RIMKLB: variants seen among roughly 807,000 people sequenced by gnomAD.
The protein encoded by RIMKLB is ribosomal modification protein rimK like family member B.
RIMKLB carries 7 observed loss-of-function variants against 32.0 expected under a neutral mutation model. The ratio of observed to expected loss-of-function variants is 0.22; its 90% CI spans 0.12 to 0.41. The LOEUF is 0.41. RIMKLB is among the 10% of genes least tolerant of loss of function. The pLI, the probability that RIMKLB is intolerant of heterozygous loss-of-function variation, is 1.00. For missense variants in RIMKLB, 289 were observed against 498.7 expected (o/e 0.58, Z 4.00); for synonymous variants, 172 against 185.1 (o/e 0.93, Z 0.57).
chr12:8,751,369 A>G (rs746242228), intron 3 of RIMKLB, among the ~76,000 whole-genome samples: 12 of 152,094 alleles, frequency 7.9e-5, no homozygotes, highest in South Asian at 2.1e-4. Flanking sequence ...GCTACAGTCT[A>G]TTTTTGCTCT....
chr12:8,736,763 G>C (rs1303471912), intron 2 of RIMKLB, among the ~76,000 whole-genome samples: 1 of 151,592 alleles, frequency 6.6e-6, no homozygotes, highest in Non-Finnish European at 1.5e-5. Flanking sequence ...TGAGATTATA[G>C]ATGTGAGCCA....
intron 2 of RIMKLB, among the ~76,000 whole-genome samples, chr12:8,723,983 GT>G (rs1049920071): frequency 1.5e-5 from 2 of 129,478 alleles, no homozygotes; most frequent in African/African-American, 8.0e-5. Flanking sequence ...GCCTGGCTAA[GT>G]TTTGTTTTGT....
intron 4 of RIMKLB, 41 bp downstream of exon 4, chr12:8,752,084 A>C (rs749695618): frequency 3.2e-6 from 4 of 1,236,036 alleles, no homozygotes; most frequent in Non-Finnish European, 4.7e-6. Context: ...TTTTGAAACT[A>C]TTCTTGCTTA....
In RIMKLB at chr12:8,774,809, A is replaced by C; in HGVS notation, c.*1025A>C. The stretch of plus-strand genomic sequence containing the variant: ...CAAGAGCCTATGAGTTCTAAGTATA[A>C]AGCTGAAGTGATTTCGAATGCCAGC... On this transcript the variant is annotated 3_prime_UTR_variant, in exon 6 of 6. Coordinates refer to ENST00000535829, the MANE Select transcript of RIMKLB (RefSeq NM_001297776.2). 3 of 985,646 alleles carry C rather than the reference A, an allele frequency of 3.0e-6. No individual in the cohort carries two copies. The highest frequency in any genetic ancestry group is 3.6e-6 in the Non-Finnish European group (3 of 829,906). 61.1% of individuals were successfully genotyped at this position (985,646 alleles called of 1,614,324 possible).
chr12:8,778,378 T>C (rs752924477), downstream of RIMKLB, among the ~76,000 whole-genome samples: 19 of 152,202 alleles, frequency 1.2e-4, no homozygotes, highest in Non-Finnish European at 1.8e-4. Flanking sequence ...ATTTAGTTCT[T>C]TTAGGAGCAA....
At chr12:8,702,942 T>A (rs1943529271) in intron 1 of RIMKLB, among the ~76,000 whole-genome samples, 1 of 152,198 alleles carries the variant, frequency 6.6e-6, no homozygotes, top group Non-Finnish European at 1.5e-5. Flanking sequence ...TTCTGTGCCA[T>A]GTTCCAGAAA....
intron 2 of RIMKLB, among the ~76,000 whole-genome samples, chr12:8,734,304 T>C (rs1946809607): frequency 6.6e-6 from 1 of 152,206 alleles, no homozygotes; most frequent in East Asian, 1.9e-4. Context: ...AGTTCAAAGC[T>C]GTTCATGGGA....
chr12:8,676,218 G>A, the RIMKLB span, among the ~76,000 whole-genome samples: 2 of 151,456 alleles, frequency 1.3e-5, no homozygotes, highest in Non-Finnish European at 2.9e-5. Flanking sequence ...GACCACAAGC[G>A]TATACCACCA....
intron 2 of RIMKLB, among the ~76,000 whole-genome samples, chr12:8,727,180 G>C (rs576758408): frequency 1.2e-4 from 19 of 152,064 alleles, no homozygotes; most frequent in African/African-American, 1.5e-4. Context: ...CACACACACA[G>C]AGTGATTATA....
chr12:8,756,331 A>G (rs1949022542), intron 5 of RIMKLB, among the ~76,000 whole-genome samples: 1 of 151,938 alleles, frequency 6.6e-6, no homozygotes, highest in Non-Finnish European at 1.5e-5. Flanking sequence ...TTCCTCCAAT[A>G]GCTCCCCAGT....
intron 2 of RIMKLB, among the ~76,000 whole-genome samples, chr12:8,722,726 A>G (rs1945583844): frequency 1.3e-5 from 2 of 152,354 alleles, no homozygotes; most frequent in South Asian, 4.1e-4. Context: ...GGCCACCTTC[A>G]TCAATTATCT....
intron 1 of RIMKLB, among the ~76,000 whole-genome samples, chr12:8,685,223 G>A (rs1443353473): frequency 1.3e-5 from 2 of 152,182 alleles, no homozygotes; most frequent in African/African-American, 2.4e-5. Context: ...GTCTTAGTGG[G>A]AAAGCTTCCA....
At chr12:8,685,091 CAG>C (rs1163459795) in intron 1 of RIMKLB, among the ~76,000 whole-genome samples, 1 of 152,158 alleles carries the variant, frequency 6.6e-6, no homozygotes, top group Non-Finnish European at 1.5e-5. Context: ...CATCTGCGAA[CAG>C]AGTTTTATTT....
chr12:8,670,026 CAAAAAAAAAAAAAAA>C, the RIMKLB span, among the ~76,000 whole-genome samples: 3 of 36,944 alleles, frequency 8.1e-5, no homozygotes, highest in African/African-American at 2.1e-4. Flanking sequence ...GACTCCGTCT[CAAAAAAAAAAAAAAA>C]AAAAAAAAAA....
chr12:8,753,299 G>A (rs1948767932), intron 4 of RIMKLB, among the ~76,000 whole-genome samples: 1 of 152,208 alleles, frequency 6.6e-6, no homozygotes, highest in African/African-American at 2.4e-5. Flanking sequence ...ATATTCTCTT[G>A]TTTGGAGCAA....
At chr12:8,682,731 C>T (rs142259681) in intron 1 of RIMKLB, among the ~76,000 whole-genome samples, 4,490 of 149,564 alleles carry the variant, frequency 0.03, 223 homozygotes, top group African/African-American at 0.1. Context: ...GAGATCGCGC[C>T]ACTGCAGCCC....
chr12:8,773,388 C>T lies in RIMKLB; in HGVS notation c.765C>T (p.Ile255=), dbSNP rs1950552413. The change falls in exon 6 of 6, where the codon ATC becomes ATT. Residue 255 remains isoleucine (I), a synonymous_variant. Transcript: ENST00000535829. ...GKQLAIQVSN[I]LGMDVCGIDL... is the part of the protein sequence containing the mutation. ...AGCTAGCTATCCAGGTGTCTAATAT[C>T]CTGGGGATGGATGTGTGTGGCATTG... 1 of 1,614,030 alleles carries T rather than the reference C, an allele frequency of 6.2e-7. No individual in the cohort carries two copies. Among genetic ancestry groups the T allele is most frequent in the African/African-American group, 1.3e-5 (1 of 74,928 alleles).
At chr12:8,704,397 TTGATTTG>T (rs1211795912) in intron 1 of RIMKLB, among the ~76,000 whole-genome samples, 1 of 149,806 alleles carries the variant, frequency 6.7e-6, no homozygotes. Flanking sequence ...AAAAAAAAAA[TTGATTTG>T]GTAAGGAAAA....
intron 2 of RIMKLB, among the ~76,000 whole-genome samples, chr12:8,731,540 G>T (rs1946547743): frequency 6.6e-6 from 1 of 151,958 alleles, no homozygotes; most frequent in South Asian, 2.1e-4. Flanking sequence ...TCCTTTAGTG[G>T]TTCTTTAAGC....
Sources: allele counts gnomAD v4.1 joint callset (sites outside exome capture counted in the v4.1 genomes callset), GRCh38; gene constraint gnomAD v4.1.1; transcripts MANE v1.5; gene names NCBI Gene and HGNC (gene_info 2026-07-23, HGNC 2026-07-21).